Variants in ZNF776 observed in about 807,000 individuals in gnomAD.
The protein encoded by ZNF776 is zinc finger protein 776.
ZNF776 carries 4 observed loss-of-function variants against 7.0 expected under a neutral mutation model. The ratio of observed to expected loss-of-function variants is 0.57; its 90% CI spans 0.28 to 1.31. The LOEUF is 1.31. ZNF776 is among the 50% of genes most tolerant of loss of function. The probability of loss-of-function intolerance (pLI) is 0.10; values close to 1 mark genes in which losing one functional copy is unlikely to be tolerated. For synonymous variants in ZNF776, 212 were observed against 213.7 expected (o/e 0.99, Z 0.07); for missense variants, 555 against 625.9 (o/e 0.89, Z 1.21).
rs1395514018 is a variant in ZNF776 at position 57,757,652 on chromosome 19, C to G, written c.*2965C>G. On this transcript the variant is annotated 3_prime_UTR_variant, in exon 3 of 3. Coordinates refer to ENST00000317178, the MANE Select transcript of ZNF776 (RefSeq NM_173632.4). ...TTAAATTTTTAAAGCTGTAATAAGA[C>G]TGGGCATGGTGACTCATGCCTGTTA... 1.3e-5 allele frequency: 2 copies of G among 152,292 alleles called. No homozygotes were observed. The highest frequency in any genetic ancestry group is 3.4e-3 in the Middle Eastern group (1 of 294). The allele number at this position is 152,292 out of a possible 1,614,324, so 9.4% of individuals were successfully genotyped here.
chr19:57,747,360 T>C (rs1425995698), intron 1 of ZNF776, among the ~76,000 whole-genome samples: 1 of 152,100 alleles, frequency 6.6e-6, no homozygotes, highest in African/African-American at 2.4e-5. Flanking sequence ...GAGCAAAGTG[T>C]GAGGCAGAGC....
intron 1 of ZNF776, among the ~76,000 whole-genome samples, chr19:57,750,305 C>T (rs1256905460): frequency 1.3e-5 from 2 of 151,540 alleles, no homozygotes; most frequent in Admixed American, 6.6e-5. Context: ...CGGTGGCATG[C>T]ACCTGTATCC....
intron 2 of ZNF776, 152 bp downstream of exon 2, chr19:57,751,063 C>A: frequency 1.2e-6 from 1 of 854,220 alleles, no homozygotes; most frequent in Non-Finnish European, 1.6e-6. Flanking sequence ...GTATGTAGGA[C>A]TGAGGTGTGT....
chr19:57,754,435 A>G lies in ZNF776; in HGVS notation c.1305A>G (p.Arg435=). 8.1e-6 allele frequency: 13 copies of G among 1,614,074 alleles called. No homozygotes were observed. The highest frequency in any genetic ancestry group is 1.1e-5 in the Non-Finnish European group (13 of 1,180,000). Residue 435 remains arginine (R), a synonymous_variant, in exon 3 of 3, where the codon AGA becomes AGG. Coordinates refer to ENST00000317178, the MANE Select transcript of ZNF776 (RefSeq NM_173632.4). ...CTGGAGAAAGGCCATATGAGTGTAG[A>G]GAATGTGGGAAATGTTTTCATCAAA... ...VHTGERPYEC[R]ECGKCFHQKG...
Position 57,757,126 on chromosome 19 carries a change from A to G in ZNF776, c.*2439A>G, listed in dbSNP as rs112108492. The stretch of plus-strand genomic sequence containing the variant: ...ACTAGGATTACAGGTGTGAGCCACC[A>G]TGCCCAGCCCAAAAATAATTTTTGT... On this transcript the variant is annotated 3_prime_UTR_variant, in exon 3 of 3. Transcript: ENST00000317178. The G allele has an allele frequency of 4.3e-3, 740 of 173,852 alleles. 7 individuals carry two copies. Among genetic ancestry groups the G allele is most frequent in the African/African-American group, 0.017 (694 of 42,018 alleles). The allele number at this position is 173,852 out of a possible 1,614,324, so 10.8% of individuals were successfully genotyped here.
chr19:57,750,896 C>G lies in ZNF776; in HGVS notation c.145C>G (p.Leu49Val). 6.2e-7 allele frequency: 1 copy of G among 1,610,618 alleles called. No individual in the cohort carries two copies. The highest frequency in any genetic ancestry group is 1.3e-5 in the African/African-American group (1 of 74,862). ...TGACGTGATGCTGGAGAACCTGACA[C>G]TTATATCTTCTCTAGGTAAGGCACT... ...YHDVMLENLT[L>V]ISSLGCWYGA... Residue 49 changes from leucine to valine, a missense_variant, in exon 2 of 3, where the codon CTT becomes GTT. By Grantham distance (32) the Leu-to-Val change is conservative. Transcript: ENST00000317178.
At chr19:57,753,170 A>C in intron 2 of ZNF776, 121 bp from the exon 3 acceptor site, 1 of 932,794 alleles carries the variant, frequency 1.1e-6, no homozygotes, top group African/African-American at 1.6e-5. Flanking sequence ...GTGCTATATA[A>C]AAGGATATGT....
intron 1 of ZNF776, among the ~76,000 whole-genome samples, chr19:57,748,993 CT>C (rs1986523945): frequency 6.6e-6 from 1 of 151,520 alleles, no homozygotes; most frequent in Non-Finnish European, 1.5e-5. Flanking sequence ...CGGTGTCTCA[CT>C]CTGTCGCCCA....
Position 57,753,372 on chromosome 19 carries a change from G to T in ZNF776, c.242G>T (p.Trp81Leu). 1 of 1,614,204 alleles carries T rather than the reference G, an allele frequency of 6.2e-7. No homozygotes were observed. Among genetic ancestry groups the T allele is most frequent in the Non-Finnish European group, 8.5e-7 (1 of 1,180,048 alleles). ...CAGGAGTCCCCACTCAGGACACATT[G>T]GACAGGTGTATGTACCAAGAAGGTC... ...IQQESPLRTH[W>L]TGVCTKKVHL... The change falls in exon 3 of 3, where the codon TGG becomes TTG. Residue 81 changes from tryptophan to leucine, a missense_variant. Coordinates refer to ENST00000317178, the MANE Select transcript of ZNF776 (RefSeq NM_173632.4).
chr19:57,750,432 C>A (rs1275611956), intron 1 of ZNF776, among the ~76,000 whole-genome samples: 194 of 137,774 alleles, frequency 1.4e-3, no homozygotes, highest in South Asian at 1.7e-3. Context: ...AACCCTATCT[C>A]AAAAAAAAAA....
intron 2 of ZNF776, among the ~76,000 whole-genome samples, chr19:57,751,439 G>A (rs1161515342): frequency 6.6e-6 from 1 of 152,106 alleles, no homozygotes; most frequent in Non-Finnish European, 1.5e-5. Flanking sequence ...ATAGCTCACT[G>A]TAGCCTCAAT....
Position 57,757,000 on chromosome 19 carries a change from T to G in ZNF776, c.*2313T>G, listed in dbSNP as rs1986796750. ...CCCGAGTACCTGAGATTAGCCCAGG[T>G]AATTTAAGAATTTTTTATAGAGATA... On this transcript the variant is annotated 3_prime_UTR_variant, in exon 3 of 3. Transcript: ENST00000317178. 1 of 348,316 alleles carries G rather than the reference T, an allele frequency of 2.9e-6. No individual in the cohort carries two copies. Among genetic ancestry groups the G allele is most frequent in the Non-Finnish European group, 5.6e-6 (1 of 177,360 alleles). 21.6% of individuals were successfully genotyped at this position (348,316 alleles called of 1,614,324 possible). A position where few individuals can be genotyped will look rare whatever the true frequency, so the allele number is the denominator to read the frequency against.
chr19:57,749,024 A>C (rs1568474614), intron 1 of ZNF776: 1 of 151,696 alleles, frequency 6.6e-6, no homozygotes, highest in Non-Finnish European at 1.5e-5. Flanking sequence ...ACTGGTGTAT[A>C]GTGGCGCAAT....
Position 57,753,369 on chromosome 19 carries a change from A to G in ZNF776, c.239A>G (p.His80Arg), listed in dbSNP as rs781403724. Reference protein sequence around the residue: ...SIQQESPLRTHWTGVCTKKVH... With the variant: ...SIQQESPLRTRWTGVCTKKVH... ...CAACAGGAGTCCCCACTCAGGACAC[A>G]TTGGACAGGTGTATGTACCAAGAAG... The change falls in exon 3 of 3, where the codon CAT (histidine) becomes CGT (arginine). Residue 80 changes from histidine to arginine, a missense_variant. Transcript: ENST00000317178. 7.4e-6 allele frequency: 12 copies of G among 1,614,124 alleles called. No individual in the cohort carries two copies. In the South Asian group the frequency reaches 1.2e-4, roughly 16 times the overall value.
chr19:57,749,755 T>C (rs1397114765), intron 1 of ZNF776, among the ~76,000 whole-genome samples: 4 of 152,202 alleles, frequency 2.6e-5, no homozygotes, highest in Non-Finnish European at 5.9e-5. Flanking sequence ...CACAGTGTTA[T>C]TCAAACAAGC....
At position 57,754,635 on chromosome 19, in the gene ZNF776, A is replaced by G. The variant is rs1986722750; in HGVS notation, c.1505A>G (p.Asn502Ser). ...GGAAAGTGTTTTCGTCAAAAGGGAAACCTCATTAAACATCAACGAGTTCAC... is the reference window on the plus strand; with the variant it reads ...GGAAAGTGTTTTCGTCAAAAGGGAAGCCTCATTAAACATCAACGAGTTCAC... ...ECGKCFRQKG[N>S]LIKHQRVHTG... is the part of the protein sequence containing the mutation. Residue 502 changes from asparagine (N) to serine (S), a missense_variant, in exon 3 of 3, where the codon AAC becomes AGC. Coordinates refer to ENST00000317178, the MANE Select transcript of ZNF776 (RefSeq NM_173632.4). The G allele has an allele frequency of 1.2e-6, 2 of 1,613,766 alleles. No individual in the cohort carries two copies. Among genetic ancestry groups the G allele is most frequent in the Non-Finnish European group, 1.7e-6 (2 of 1,179,788 alleles).
At position 57,754,103 on chromosome 19, in the gene ZNF776, T is replaced by C; in HGVS notation, c.973T>C (p.Cys325Arg). ...TGERPYECDE[C>R]GKSFSHKRSL... is the part of the protein sequence containing the mutation. ...AGAAAGACCTTATGAATGTGACGAATGTGGGAAATCTTTTAGCCATAAGCG... is the reference window on the plus strand; with the variant it reads ...AGAAAGACCTTATGAATGTGACGAACGTGGGAAATCTTTTAGCCATAAGCG... The change falls in exon 3 of 3, where the codon TGT becomes CGT. Residue 325 changes from cysteine to arginine, a missense_variant. Cys to Arg is a radical substitution (Grantham distance 180, BLOSUM62 -3). Coordinates refer to ENST00000317178, the MANE Select transcript of ZNF776 (RefSeq NM_173632.4). 5 of 1,614,100 alleles carry C rather than the reference T, an allele frequency of 3.1e-6. No homozygotes were observed. The highest frequency in any genetic ancestry group is 1.7e-6 in the Non-Finnish European group (2 of 1,180,000).
chr19:57,752,825 T>C lies in ZNF776; in HGVS notation c.161-466T>C, dbSNP rs111583269. ...GGCATATCAATTTTGTATTAGGAAGTGTGTACACATTGCTAAGCCATACCT... is the reference window on the plus strand; with the variant it reads ...GGCATATCAATTTTGTATTAGGAAGCGTGTACACATTGCTAAGCCATACCT... On this transcript the variant is annotated intron_variant, in intron 2 of 2. Coordinates refer to ENST00000317178, the MANE Select transcript of ZNF776 (RefSeq NM_173632.4). 2.6e-3 allele frequency among the ~76,000 whole-genome samples: 391 copies of C among 152,320 alleles called. 3 individuals carry two copies. Among genetic ancestry groups the C allele is most frequent in the African/African-American group, 8.8e-3 (364 of 41,584 alleles).
Position 57,747,154 on chromosome 19 carries a change from A to G in ZNF776, c.33+63A>G, listed in dbSNP as rs907603615. The G allele has an allele frequency of 4.0e-6, 6 of 1,514,816 alleles. No individual in the cohort carries two copies. The Admixed American group carries it at 1.2e-4, about 30-fold the overall frequency. 93.8% of individuals were successfully genotyped at this position (1,514,816 alleles called of 1,614,324 possible). On this transcript the variant is annotated intron_variant, in intron 1 of 2. Transcript: ENST00000317178. ...TCTTTACCTAAGTCCAAAAGCAGAG[A>G]GGAAGCGGCGCCTGCTCAAGGTTTT...
Sources: gnomAD v4.1 joint callset for allele counts (sites outside exome capture counted in the v4.1 genomes callset) on GRCh38, gnomAD v4.1.1 for gene constraint, MANE v1.5 for transcripts, NCBI Gene and HGNC (gene_info 2026-07-23, HGNC 2026-07-21) for gene names.